Variants in DDR2 observed in about 807,000 individuals in gnomAD.
DDR2 encodes discoidin domain-containing receptor 2.
Under a neutral mutation model 94.9 loss-of-function variants are expected in DDR2, and 27 were observed. The observed-to-expected ratio is 0.28, with a 90% CI of 0.21 to 0.39. DDR2 has a LOEUF of 0.39. Ranked by LOEUF, DDR2 falls within the 10% of genes least tolerant of loss-of-function variation. The pLI is 1.00. For missense variants in DDR2, 783 were observed against 1,076.0 expected (o/e 0.73, Z 3.81); for synonymous variants, 382 against 377.2 (o/e 1.01, Z -0.15).
At chr1:162,688,565 A>C (rs570096010) in intron 2 of DDR2, among the ~76,000 whole-genome samples, 6 of 152,320 alleles carry the variant, frequency 3.9e-5, no homozygotes, top group African/African-American at 1.4e-4. Flanking sequence ...GAACCTATAA[A>C]ATACATGTTT....
At chr1:162,722,324 G>A (rs764818731) in intron 3 of DDR2, among the ~76,000 whole-genome samples, 3 of 152,212 alleles carry the variant, frequency 2.0e-5, no homozygotes, top group South Asian at 2.1e-4. Flanking sequence ...GGCCTGGAGC[G>A]TAGGCTACGC....
Position 162,753,018 on chromosome 1 carries a change from T to C in DDR2, c.83-77T>C, listed in dbSNP as rs1663288138. The C allele has an allele frequency of 7.3e-6, 9 of 1,240,480 alleles. No individual in the cohort carries two copies. The East Asian group carries it at 1.9e-4, about 26-fold the overall frequency. The allele number at this position is 1,240,480 out of a possible 1,614,324, so 76.8% of individuals were successfully genotyped here. A position where few individuals can be genotyped will look rare whatever the true frequency, so the allele number is the denominator to read the frequency against. ...CTCTTATTCCTTGTTCAATATTCAGTGATATTCTTCCTAGGGGGCTTGGAA... is the reference window on the plus strand; with the variant it reads ...CTCTTATTCCTTGTTCAATATTCAGCGATATTCTTCCTAGGGGGCTTGGAA... On this transcript the variant is annotated intron_variant, in intron 3 of 17. Transcript: ENST00000367921.
At position 162,781,324 on chromosome 1, in the gene DDR2, C is replaced by T. The variant is rs931566614; in HGVS notation, c.*1078C>T. ...TTGTCTAAGAGGGAATAGATCTGTT[C>T]TGAGTGTCCCCAAAAAAGTTGTCCT... is the stretch of plus-strand genomic sequence containing the variant. On this transcript the variant is annotated 3_prime_UTR_variant, in exon 18 of 18. Coordinates refer to ENST00000367921, the MANE Select transcript of DDR2 (RefSeq NM_006182.4). The T allele has an allele frequency of 6.6e-6, 1 of 152,150 alleles. No homozygotes were observed. The highest frequency in any genetic ancestry group is 2.4e-5 in the African/African-American group (1 of 41,434). 9.4% of individuals were successfully genotyped at this position (152,150 alleles called of 1,614,324 possible).
chr1:162,760,886 C>T (rs969368023), intron 8 of DDR2, among the ~76,000 whole-genome samples: 1 of 151,786 alleles, frequency 6.6e-6, no homozygotes, highest in Non-Finnish European at 1.5e-5. Flanking sequence ...GCCGTCTACC[C>T]TGATTCGTGT....
chr1:162,631,182 TTGTGTGTGTGTGTGTGTG>T (rs58010976), upstream of DDR2, among the ~76,000 whole-genome samples: 9 of 140,286 alleles, frequency 6.4e-5, no homozygotes, highest in South Asian at 2.4e-4. Context: ...GCCACCCTCA[TTGTGTGTGTGTGTGTGTG>T]TGTGTGTGTG....
Position 162,784,558 on chromosome 1 carries a change from T to C in DDR2, c.*4312T>C, listed in dbSNP as rs180803986. Reference sequence around the variant, plus strand: ...ATTAATGTGTTTTTCACTTAGTAAATGTTTTCAAGAGCTGAATTGAGAAGG... The same window carrying C: ...ATTAATGTGTTTTTCACTTAGTAAACGTTTTCAAGAGCTGAATTGAGAAGG... On this transcript the variant is annotated 3_prime_UTR_variant, in exon 18 of 18. Transcript: ENST00000367921. The C allele has an allele frequency of 5.2e-5, 8 of 152,526 alleles. No individual in the cohort carries two copies. The highest frequency in any genetic ancestry group is 1.7e-4 in the African/African-American group (7 of 41,540). 9.4% of individuals were successfully genotyped at this position (152,526 alleles called of 1,614,324 possible).
chr1:162,668,766 A>G (rs1261035471), intron 2 of DDR2, among the ~76,000 whole-genome samples: 2 of 152,224 alleles, frequency 1.3e-5, no homozygotes, highest in Non-Finnish European at 2.9e-5. Flanking sequence ...AAATAAGATT[A>G]CATTCCTAAG....
rs758442995 is a variant in DDR2, at chr1:162,775,796, C to T, written c.2001C>T (p.Ser667=). The T allele has an allele frequency of 1.5e-5, 24 of 1,614,080 alleles. No individual in the cohort carries two copies. Among genetic ancestry groups the T allele is most frequent in the Non-Finnish European group, 1.9e-5 (23 of 1,180,002 alleles). The change falls in exon 15 of 18, where the codon TCC becomes TCT. Residue 667 remains serine, a synonymous_variant. Coordinates refer to ENST00000367921, the MANE Select transcript of DDR2 (RefSeq NM_006182.4). ...ATGGAGATCTCAATCAGTTTCTTTC[C>T]CGCCACGAGCCCCCTAATTCTTCCT... ...MENGDLNQFL[S]RHEPPNSSSS... is the part of the protein sequence containing the mutation.
intron 2 of DDR2, among the ~76,000 whole-genome samples, chr1:162,693,522 A>G (rs1426146402): frequency 6.6e-6 from 1 of 152,230 alleles, no homozygotes; most frequent in Non-Finnish European, 1.5e-5. Flanking sequence ...CAAAATAGAA[A>G]CAACTGCTGC....
chr1:162,715,874 G>A (rs968163867), intron 2 of DDR2, among the ~76,000 whole-genome samples: 2 of 152,134 alleles, frequency 1.3e-5, no homozygotes, highest in Admixed American at 1.3e-4. Context: ...CTAATTTTAG[G>A]CAAAACAGAA....
chr1:162,631,182 T>G (rs1326397365), upstream of DDR2, among the ~76,000 whole-genome samples: 1 of 140,188 alleles, frequency 7.1e-6, no homozygotes, highest in Non-Finnish European at 1.5e-5. Context: ...GCCACCCTCA[T>G]TGTGTGTGTG....
chr1:162,698,178 G>A (rs1313387103), intron 2 of DDR2, among the ~76,000 whole-genome samples: 2 of 152,216 alleles, frequency 1.3e-5, no homozygotes, highest in Non-Finnish European at 2.9e-5. Flanking sequence ...GGAAAACAGA[G>A]AAGGTGGGAT....
At position 162,716,707 on chromosome 1, in the gene DDR2, C is replaced by CT. The variant is rs200165734; in HGVS notation, c.-27-2316dup. Among the ~76,000 whole-genome samples, 657 of 141,568 alleles carry CT rather than the reference C, an allele frequency of 4.6e-3. 3 individuals carry two copies. Among genetic ancestry groups the CT allele is most frequent in the Middle Eastern group, 0.011 (3 of 272 alleles). The allele number at this position is 141,568 out of a possible 152,430, so 92.9% of individuals were successfully genotyped here. A position where few individuals can be genotyped will look rare whatever the true frequency, so the allele number is the denominator to read the frequency against. Reference sequence around the variant, plus strand: ...CAGTCAAAACCATCTGACTACATTGCTTTTTTTTTTTTTTAACCCCTCTGG... The same window carrying CT: ...CAGTCAAAACCATCTGACTACATTGCTTTTTTTTTTTTTTTAACCCCTCTGG... On this transcript the variant is annotated intron_variant, in intron 2 of 17. Coordinates refer to ENST00000367921, the MANE Select transcript of DDR2 (RefSeq NM_006182.4).
intron 2 of DDR2, among the ~76,000 whole-genome samples, chr1:162,689,493 G>A (rs114935726): frequency 0.012 from 1,793 of 152,068 alleles, 41 homozygotes; most frequent in African/African-American, 0.041. Context: ...CTATCTCACC[G>A]GTCCCCTGTC....
chr1:162,735,323 G>A (rs745653760), intron 3 of DDR2, among the ~76,000 whole-genome samples: 11 of 152,180 alleles, frequency 7.2e-5, no homozygotes, highest in Admixed American at 1.3e-4. Flanking sequence ...GCGCTGACAT[G>A]TGTAACAAGT....
chr1:162,642,525 G>A (rs778907992), intron 1 of DDR2, among the ~76,000 whole-genome samples: 1 of 150,552 alleles, frequency 6.6e-6, no homozygotes, highest in Non-Finnish European at 1.5e-5. Flanking sequence ...CTCGACCTCA[G>A]GTGATCTACC....
At chr1:162,685,103 GC>G (rs1659624558) in intron 2 of DDR2, among the ~76,000 whole-genome samples, 1 of 152,026 alleles carries the variant, frequency 6.6e-6, no homozygotes, top group East Asian at 1.9e-4. Context: ...GTGATTTGGG[GC>G]ATGTTTTTTA....
rs1660364565 is a variant in DDR2 at position 162,700,079 on chromosome 1, A to G, written c.-27-18958A>G. 2.6e-5 allele frequency among the ~76,000 whole-genome samples: 4 copies of G among 152,212 alleles called. No homozygotes were observed. In the South Asian group the frequency reaches 8.3e-4, roughly 32 times the overall value. ...TCAAACAAAGGTAGTTACTCATGAGAGAGCTTCTTTAAACTGCAATGGACC... is the reference window on the plus strand; with the variant it reads ...TCAAACAAAGGTAGTTACTCATGAGGGAGCTTCTTTAAACTGCAATGGACC... On this transcript the variant is annotated intron_variant, in intron 2 of 17. Transcript: ENST00000367921.
chr1:162,630,914 CT>C (rs1243239338), upstream of DDR2, among the ~76,000 whole-genome samples: 2 of 152,184 alleles, frequency 1.3e-5, no homozygotes, highest in African/African-American at 4.8e-5. Flanking sequence ...GAAGAGTCTT[CT>C]TAATAAGTTG....
Sources: allele counts gnomAD v4.1 joint callset (sites outside exome capture counted in the v4.1 genomes callset), GRCh38; gene constraint gnomAD v4.1.1; transcripts MANE v1.5; gene names NCBI Gene and HGNC (gene_info 2026-07-23, HGNC 2026-07-21).